RPS3: variants seen among roughly 807,000 people sequenced by gnomAD.
The protein encoded by RPS3 is ribosomal protein S3, also known as small ribosomal subunit protein uS3.
RPS3 carries 2 observed loss-of-function variants against 25.8 expected under a neutral mutation model. The ratio of observed to expected loss-of-function variants is 0.08; its 90% CI spans 0.03 to 0.24. The LOEUF (loss-of-function observed/expected upper bound fraction) is 0.24, where lower values mean the gene tolerates loss of function less well. Ranked by LOEUF, RPS3 falls within the 10% of genes least tolerant of loss-of-function variation. The probability of loss-of-function intolerance (pLI) is 1.00; values close to 1 mark genes in which losing one functional copy is unlikely to be tolerated. For synonymous variants in RPS3, 114 were observed against 114.2 expected, an observed-to-expected ratio of 1.00 and a Z score of 0.01; for missense variants, 107 against 307.1, an observed-to-expected ratio of 0.35 and a Z score of 4.87.
intron 6 of RPS3, among the ~76,000 whole-genome samples, chr11:75,421,267 G>T (rs370894831): frequency 2.6e-5 from 4 of 152,304 alleles, no homozygotes; most frequent in South Asian, 4.1e-4. Flanking sequence ...TGTAGACAGG[G>T]CCCTGGGGCT....
chr11:75,402,237 G>T lies in RPS3; in HGVS notation c.256-115G>T, dbSNP rs1047052359. 4.0e-6 allele frequency: 6 copies of T among 1,512,654 alleles called. No individual in the cohort carries two copies. The African/African-American group carries it at 5.5e-5, about 14-fold the overall frequency. The allele number at this position is 1,512,654 out of a possible 1,614,324, so 93.7% of individuals were successfully genotyped here. ...CCATCTCCTGGGCAGCATGCGGCCCGTGGGTTGGGCAAGCTTGGTGTAGAA... is the reference window on the plus strand; with the variant it reads ...CCATCTCCTGGGCAGCATGCGGCCCTTGGGTTGGGCAAGCTTGGTGTAGAA... On this transcript the variant is annotated intron_variant, in intron 3 of 6. Transcript: ENST00000531188.
Position 75,405,643 on chromosome 11 carries a change from T to C in RPS3, c.*33T>C, listed in dbSNP as rs1445247545. The C allele has an allele frequency of 4.4e-6, 2 of 456,244 alleles. No individual in the cohort carries two copies. Among genetic ancestry groups the C allele is most frequent in the Non-Finnish European group, 8.8e-6 (2 of 226,944 alleles). The allele number at this position is 456,244 out of a possible 1,614,324, so 28.3% of individuals were successfully genotyped here. Reference sequence around the variant, plus strand: ...TCCTTGGCAGCTGTATTCTGGAGTCTGGATGTTGCTCTCTAAAGACCTTTA... The same window carrying C: ...TCCTTGGCAGCTGTATTCTGGAGTCCGGATGTTGCTCTCTAAAGACCTTTA... On this transcript the variant is annotated 3_prime_UTR_variant, in exon 7 of 7. Transcript: ENST00000531188.
At chr11:75,402,542 A>T in intron 4 of RPS3, 96 bp downstream of exon 4, 1 of 1,331,254 alleles carries the variant, frequency 7.5e-7, no homozygotes, top group Non-Finnish European at 1.0e-6. Context: ...TTACAAAGTT[A>T]CAGGATCTGC....
At chr11:75,413,341 C>A (rs568391729) in intron 6 of RPS3, among the ~76,000 whole-genome samples, 1 of 152,094 alleles carries the variant, frequency 6.6e-6, no homozygotes, top group Non-Finnish European at 1.5e-5. Flanking sequence ...ACTGCAAGCT[C>A]TGCCTCCTGG....
intron 6 of RPS3, among the ~76,000 whole-genome samples, chr11:75,415,970 T>TC (rs1328881883): frequency 7.4e-6 from 1 of 135,248 alleles, no homozygotes; most frequent in Non-Finnish European, 1.5e-5. Context: ...AGCGAGATAC[T>TC]CTGTCAAAAA....
chr11:75,409,901 C>T (rs1948329283), downstream of RPS3, among the ~76,000 whole-genome samples: 2 of 140,480 alleles, frequency 1.4e-5, no homozygotes, highest in African/African-American at 2.6e-5. Context: ...GGCAGAGGCG[C>T]CCCTCACCTC....
chr11:75,412,678 G>A (rs1189695993), intron 6 of RPS3, among the ~76,000 whole-genome samples: 1 of 152,226 alleles, frequency 6.6e-6, no homozygotes, highest in Non-Finnish European at 1.5e-5. Flanking sequence ...AGGGGTCACA[G>A]GAAAGTTCGA....
chr11:75,405,364 T>C, intron 6 of RPS3: 1 of 276,706 alleles, frequency 3.6e-6, no homozygotes, highest in South Asian at 3.6e-5. Context: ...TTTGCTATTC[T>C]GTCCTTTAGC....
Position 75,404,652 on chromosome 11 carries a change from A to G in RPS3, c.539-20A>G. 1 of 1,600,472 alleles carries G rather than the reference A, an allele frequency of 6.2e-7. No homozygotes were observed. The highest frequency in any genetic ancestry group is 2.2e-5 in the East Asian group (1 of 44,590). On this transcript the variant is annotated intron_variant, in intron 5 of 6. Transcript: ENST00000531188. The surrounding 1 kb of genome is among the most constrained non-coding windows in gnomAD (Gnocchi z 4.6). ...CCTTTGAGACCCCAGCTGTGTGCTA[A>G]CAACTGTGGTGTCCTCTAGGTGTGC...
In RPS3 at chr11:75,404,666, C is replaced by T. The variant is rs112257958; in HGVS notation, c.539-6C>T. 6.2e-7 allele frequency: 1 copy of T among 1,609,062 alleles called. No homozygotes were observed. Among genetic ancestry groups the T allele is most frequent in the Non-Finnish European group, 8.5e-7 (1 of 1,177,054 alleles). ...GCTGTGTGCTAACAACTGTGGTGTC[C>T]TCTAGGTGTGCTGGGCATCAAGGTG... On this transcript the variant is annotated splice_polypyrimidine_tract_variant and splice_region_variant and intron_variant, in intron 5 of 6. Coordinates refer to ENST00000531188, the MANE Select transcript of RPS3 (RefSeq NM_001005.5). The surrounding 1 kb of genome is among the most constrained non-coding windows in gnomAD (Gnocchi z 4.6).
chr11:75,407,617 C>T (rs1029809332), downstream of RPS3, among the ~76,000 whole-genome samples: 10 of 152,302 alleles, frequency 6.6e-5, no homozygotes, highest in East Asian at 1.9e-4. Context: ...TACAGGCGCC[C>T]GCCACCAAGT....
At chr11:75,417,243 GAGAATCA>G (rs1948407399) in intron 6 of RPS3, among the ~76,000 whole-genome samples, 1 of 152,158 alleles carries the variant, frequency 6.6e-6, no homozygotes, top group South Asian at 2.1e-4. Flanking sequence ...GCCGAAATGG[GAGAATCA>G]TTTGAGCTTA....
At chr11:75,410,474 G>C (rs920468126), downstream of RPS3, among the ~76,000 whole-genome samples, 3 of 151,570 alleles carry the variant, frequency 2.0e-5, 1 homozygote, top group South Asian at 6.3e-4. Flanking sequence ...ATGGGATGGC[G>C]GCTGGGCAGA....
intron 6 of RPS3, among the ~76,000 whole-genome samples, chr11:75,412,183 T>G (rs1476789378): frequency 6.6e-6 from 1 of 152,240 alleles, no homozygotes; most frequent in Non-Finnish European, 1.5e-5. Context: ...TAGAACTTAG[T>G]TGAAACTTGC....
Position 75,405,827 on chromosome 11 carries a change from A to C in RPS3, c.*217A>C, listed in dbSNP as rs1415682531. On this transcript the variant is annotated 3_prime_UTR_variant, in exon 7 of 7. Transcript: ENST00000531188. ...GTAAGACCCAAGCAGAGCCAACCAG[A>C]GAAATAATATTTGTGTGATAGAGAA... The C allele has an allele frequency of 1.4e-5, 4 of 275,990 alleles. No individual in the cohort carries two copies. The highest frequency in any genetic ancestry group is 7.3e-6 in the Non-Finnish European group (1 of 137,732). The allele number at this position is 275,990 out of a possible 1,614,324, so 17.1% of individuals were successfully genotyped here.
At chr11:75,413,634 A>G (rs1393858875) in intron 6 of RPS3, among the ~76,000 whole-genome samples, 2 of 152,134 alleles carry the variant, frequency 1.3e-5, no homozygotes, top group Non-Finnish European at 2.9e-5. Context: ...CCCAGATGCT[A>G]TTACCTTAAG....
At chr11:75,409,181 ATTTAT>A (rs991457832), downstream of RPS3, among the ~76,000 whole-genome samples, 64 of 140,796 alleles carry the variant, frequency 4.5e-4, no homozygotes, top group African/African-American at 1.6e-3. Flanking sequence ...TATTATTATT[ATTTAT>A]TTATTTATTT....
At chr11:75,419,464 G>A (rs777271888) in intron 6 of RPS3, among the ~76,000 whole-genome samples, 2 of 151,542 alleles carry the variant, frequency 1.3e-5, no homozygotes, top group African/African-American at 2.4e-5. Context: ...CGAGGCAGAA[G>A]AATCTCTTGA....
chr11:75,414,044 G>C (rs1295273524), intron 6 of RPS3, among the ~76,000 whole-genome samples: 1 of 152,108 alleles, frequency 6.6e-6, no homozygotes, highest in Non-Finnish European at 1.5e-5. Context: ...CTTTTTCTTT[G>C]TGTCACTCTG....
Sources: gnomAD v4.1 joint callset for allele counts (sites outside exome capture counted in the v4.1 genomes callset) on GRCh38, gnomAD v4.1.1 for gene constraint, Gnocchi (gnomAD v3.1) non-coding constraint, MANE v1.5 for transcripts, NCBI Gene and HGNC (gene_info 2026-07-23, HGNC 2026-07-21) for gene names.